Variants in FASTKD2 observed in about 807,000 individuals in gnomAD.
FASTKD2 encodes FAST kinase domains 2, also known as FAST kinase domain-containing protein 2, mitochondrial.
In FASTKD2, 51 loss-of-function variants were observed where a neutral mutation model predicts 63.6. The observed-to-expected ratio is 0.80, with a 90% confidence interval of 0.64 to 1.01. The LOEUF is 1.01. Ranked by LOEUF, FASTKD2 falls within the 50% of genes least tolerant of loss-of-function variation. FASTKD2 has a pLI of 0.00. For missense variants in FASTKD2, 786 were observed against 831.1 expected, an observed-to-expected ratio of 0.95 and a Z score of 0.67; for synonymous variants, 284 against 293.4, an observed-to-expected ratio of 0.97 and a Z score of 0.33.
At chr2:206,790,344 A>T (rs753009047) in intron 10 of FASTKD2, 3 of 457,064 alleles carry the variant, frequency 6.6e-6, no homozygotes, top group Non-Finnish European at 4.0e-6. Flanking sequence ...CCTTAAAGGG[A>T]ACTGAGAGGT....
At chr2:206,772,121 G>T in intron 5 of FASTKD2, 60 bp from the exon 6 acceptor site, 1 of 1,589,650 alleles carries the variant, frequency 6.3e-7, no homozygotes, top group South Asian at 1.1e-5. Flanking sequence ...AAAGAATAAA[G>T]CATGTTGTAT....
rs144137525 is a variant in FASTKD2 at position 206,766,900 on chromosome 2, A to G, written c.207A>G (p.Gln69=). 37 of 1,595,870 alleles carry G rather than the reference A, an allele frequency of 2.3e-5. No individual in the cohort carries two copies. The African/African-American group carries it at 3.0e-4, about 13-fold the overall frequency. ...TAAATAACTTTCATAACAGAATGCA[A>G]TCAACTGATATCATTAGATATCTCT... ...NILNNFHNRM[Q]STDIIRYLFQ... The change falls in exon 2 of 12, where the codon CAA becomes CAG. Residue 69 remains glutamine, a synonymous_variant. Transcript: ENST00000402774.
rs755258853 is a variant in FASTKD2, at chr2:206,791,836, G to A, written c.*34G>A. On this transcript the variant is annotated 3_prime_UTR_variant, in exon 12 of 12. Transcript: ENST00000402774. ...TCAACCTTTTCATATTAGGAGACAT[G>A]CATTTGTAAAAATTAATAAAGATGA... 1.3e-6 allele frequency: 2 copies of A among 1,598,370 alleles called. No individual in the cohort carries two copies. Among genetic ancestry groups the A allele is most frequent in the Middle Eastern group, 1.9e-4 (1 of 5,238 alleles).
intron 7 of FASTKD2, among the ~76,000 whole-genome samples, chr2:206,778,033 G>A (rs1424052934): frequency 6.6e-6 from 1 of 151,718 alleles, no homozygotes. Flanking sequence ...TTATTTATTT[G>A]AATCTTCTTT....
In FASTKD2 at chr2:206,766,885, T is replaced by C. The variant is rs150457139; in HGVS notation, c.192T>C (p.Phe64=). The C allele has an allele frequency of 2.0e-4, 322 of 1,599,984 alleles. 3 individuals are homozygous for C. The East Asian group carries it at 4.8e-3, about 24-fold the overall frequency. The change falls in exon 2 of 12, where the codon TTT becomes TTC. Residue 64 remains phenylalanine, a synonymous_variant. Coordinates refer to ENST00000402774, the MANE Select transcript of FASTKD2 (RefSeq NM_001136193.2). Reference sequence around the variant, plus strand: ...CAAACTGGAACATTTTAAATAACTTTCATAACAGAATGCAATCAACTGATA... The same window carrying C: ...CAAACTGGAACATTTTAAATAACTTCCATAACAGAATGCAATCAACTGATA... ...VHSNWNILNN[F]HNRMQSTDII... is the part of the protein sequence containing the mutation.
At chr2:206,781,572 T>A (rs1167780315) in intron 7 of FASTKD2, among the ~76,000 whole-genome samples, 1 of 151,942 alleles carries the variant, frequency 6.6e-6, no homozygotes, top group Admixed American at 6.6e-5. Flanking sequence ...CACCTTGGCC[T>A]CCCAAAGTGC....
At chr2:206,782,516 C>A (rs911579735) in intron 7 of FASTKD2, among the ~76,000 whole-genome samples, 14 of 152,196 alleles carry the variant, frequency 9.2e-5, no homozygotes, top group Non-Finnish European at 2.9e-5. Flanking sequence ...GCCATGCATT[C>A]CTACTATTAA....
chr2:206,789,004 T>C (rs1474785271), intron 10 of FASTKD2, 101 bp downstream of exon 10: 3 of 725,938 alleles, frequency 4.1e-6, no homozygotes, highest in South Asian at 2.9e-5. Context: ...ACTTGATGTT[T>C]GTATGGAGCC....
At position 206,793,248 on chromosome 2, in the gene FASTKD2, A is replaced by AAAAAAAAAAAAAAAC. The variant is rs1259024642; in HGVS notation, c.*1449_*1450insAAAAAAAAAAACAAA. On this transcript the variant is annotated 3_prime_UTR_variant, in exon 12 of 12. Coordinates refer to ENST00000402774, the MANE Select transcript of FASTKD2 (RefSeq NM_001136193.2). The stretch of plus-strand genomic sequence containing the variant: ...AAAAAAAAAAAAAAAAAAAAAAAAA[A>AAAAAAAAAAAAAAAC]AAATACAAAAACTATAGCAATATGA... 1.6e-5 allele frequency among the ~76,000 whole-genome samples: 2 copies of AAAAAAAAAAAAAAAC among 126,558 alleles called. No individual in the cohort carries two copies. The highest frequency in any genetic ancestry group is 3.5e-5 in the Non-Finnish European group (2 of 56,482). The allele number at this position is 126,558 out of a possible 152,430, so 83.0% of individuals were successfully genotyped here.
chr2:206,774,049 A>G (rs1689756583), intron 6 of FASTKD2, among the ~76,000 whole-genome samples, 176 bp from the exon 7 acceptor site: 1 of 152,166 alleles, frequency 6.6e-6, no homozygotes, highest in Non-Finnish European at 1.5e-5. Flanking sequence ...AAGAATTAAT[A>G]GAACAGATTT....
In FASTKD2 at chr2:206,792,038, T is replaced by TA. The variant is rs539925261; in HGVS notation, c.*237dup. 483 of 510,596 alleles carry TA rather than the reference T, an allele frequency of 9.5e-4. 5 individuals carry two copies. Among genetic ancestry groups the TA allele is most frequent in the African/African-American group, 8.4e-3 (438 of 51,932 alleles). The allele number at this position is 510,596 out of a possible 1,614,324, so 31.6% of individuals were successfully genotyped here. ...ACACCTATTCCCTCTAGTGCCCAGATATTTGATTTGTGAGCTGTACGTTTC... is the reference window on the plus strand; with the variant it reads ...ACACCTATTCCCTCTAGTGCCCAGATAATTTGATTTGTGAGCTGTACGTTTC... On this transcript the variant is annotated 3_prime_UTR_variant, in exon 12 of 12. Transcript: ENST00000402774.
intron 3 of FASTKD2, 32 bp from the exon 4 acceptor site, chr2:206,771,150 A>G: frequency 7.9e-7 from 1 of 1,269,918 alleles, no homozygotes; most frequent in Non-Finnish European, 1.1e-6. Flanking sequence ...TGAAGATTCT[A>G]TGATTTTAAT....
rs760522658 is a variant in FASTKD2, at chr2:206,767,012, C to G, written c.319C>G (p.Leu107Val). Residue 107 changes from leucine to valine, a missense_variant, in exon 2 of 12, where the codon CTT becomes GTT. Transcript: ENST00000402774. ...TLTALRIERLLYAKRLFFDSK... is the reference protein window; with the variant it reads ...TLTALRIERLVYAKRLFFDSK... ...AACAGCCCTTAGAATTGAAAGACTA[C>G]TTTATGCTAAAAGACTGTTTTTTGA... is the stretch of plus-strand genomic sequence containing the variant. 26 of 1,613,408 alleles carry G rather than the reference C, an allele frequency of 1.6e-5. No individual in the cohort carries two copies. Among genetic ancestry groups the G allele is most frequent in the Admixed American group, 1.0e-4 (6 of 59,992 alleles).
In FASTKD2 at chr2:206,794,466, C is replaced by G. The variant is rs1690387210; in HGVS notation, c.*2664C>G. On this transcript the variant is annotated 3_prime_UTR_variant, in exon 12 of 12. Coordinates refer to ENST00000402774, the MANE Select transcript of FASTKD2 (RefSeq NM_001136193.2). ...ATGTTACCCAGGCTAGCTTCAAACT[C>G]CTGGGCTCAAGGGATCCTCCTGCCT... Among the ~76,000 whole-genome samples, 1 of 152,012 alleles carries G rather than the reference C, an allele frequency of 6.6e-6. No individual in the cohort carries two copies. The highest frequency in any genetic ancestry group is 1.5e-5 in the Non-Finnish European group (1 of 67,996).
In FASTKD2 at chr2:206,793,973, G is replaced by GT. The variant is rs1690370563; in HGVS notation, c.*2173dup. Reference sequence around the variant, plus strand: ...AATGAGGCAAGCACTTGCATAAGCTGTTGGTAGACTGTAAATTAATACCTT... The same window carrying GT: ...AATGAGGCAAGCACTTGCATAAGCTGTTTGGTAGACTGTAAATTAATACCTT... On this transcript the variant is annotated 3_prime_UTR_variant, in exon 12 of 12. Transcript: ENST00000402774. Among the ~76,000 whole-genome samples, 1 of 152,196 alleles carries GT rather than the reference G, an allele frequency of 6.6e-6. No homozygotes were observed. The highest frequency in any genetic ancestry group is 2.1e-4 in the South Asian group (1 of 4,832).
In FASTKD2 at chr2:206,792,953, G is replaced by A. The variant is rs1459835476; in HGVS notation, c.*1151G>A. Among the ~76,000 whole-genome samples, 7 of 152,232 alleles carry A rather than the reference G, an allele frequency of 4.6e-5. No individual in the cohort carries two copies. The highest frequency in any genetic ancestry group is 3.9e-4 in the East Asian group (2 of 5,182). ...AAAATACAAAAACTGGGCTGGGCAC[G>A]GTGGCTCGTGCTTGTCATCCCAGCA... On this transcript the variant is annotated 3_prime_UTR_variant, in exon 12 of 12. Transcript: ENST00000402774.
In FASTKD2 at chr2:206,772,170, C is replaced by T. The variant is rs1689701859; in HGVS notation, c.1115-11C>T. ...GTAATTTTTGTTTGTTTATTTAACTCATTCTTCAAGATAATATCCATGGGT... is the reference window on the plus strand; with the variant it reads ...GTAATTTTTGTTTGTTTATTTAACTTATTCTTCAAGATAATATCCATGGGT... On this transcript the variant is annotated splice_polypyrimidine_tract_variant and intron_variant, in intron 5 of 11. Transcript: ENST00000402774. 2 of 1,609,954 alleles carry T rather than the reference C, an allele frequency of 1.2e-6. No homozygotes were observed. Among genetic ancestry groups the T allele is most frequent in the Non-Finnish European group, 1.7e-6 (2 of 1,176,216 alleles).
chr2:206,792,812 T>C lies in FASTKD2; in HGVS notation c.*1010T>C, dbSNP rs886055510. On this transcript the variant is annotated 3_prime_UTR_variant, in exon 12 of 12. Transcript: ENST00000402774. ...ACCCTTTGAGGTGTAGCTGCTATTA[T>C]GATTCTCTCTGTGTCTTCACTTCCT... Among the ~76,000 whole-genome samples the C allele has an allele frequency of 6.6e-6, 1 of 152,244 alleles. No homozygotes were observed. Among genetic ancestry groups the C allele is most frequent in the Non-Finnish European group, 1.5e-5 (1 of 68,050 alleles).
chr2:206,792,131 G>T lies in FASTKD2; in HGVS notation c.*329G>T, dbSNP rs1690302250. On this transcript the variant is annotated 3_prime_UTR_variant, in exon 12 of 12. Coordinates refer to ENST00000402774, the MANE Select transcript of FASTKD2 (RefSeq NM_001136193.2). Reference sequence around the variant, plus strand: ...TGAGGTGTCACAGGCAGGTTGATGTGGGTAGTAGTCCTTGTCTTTGGAATC... The same window carrying T: ...TGAGGTGTCACAGGCAGGTTGATGTTGGTAGTAGTCCTTGTCTTTGGAATC... 2.9e-6 allele frequency: 1 copy of T among 344,452 alleles called. No homozygotes were observed. The highest frequency in any genetic ancestry group is 2.6e-5 in the South Asian group (1 of 37,914). 21.3% of individuals were successfully genotyped at this position (344,452 alleles called of 1,614,324 possible).
Sources: gnomAD v4.1 joint callset for allele counts (sites outside exome capture counted in the v4.1 genomes callset) on GRCh38, gnomAD v4.1.1 for gene constraint, MANE v1.5 for transcripts, NCBI Gene and HGNC (gene_info 2026-07-23, HGNC 2026-07-21) for gene names.